CLUAP1: variants seen among roughly 807,000 people sequenced by gnomAD.
CLUAP1 encodes clusterin-associated protein 1.
CLUAP1 carries 50 observed loss-of-function variants against 55.0 expected under a neutral mutation model. The ratio of observed to expected loss-of-function variants is 0.91; its 90% CI spans 0.72 to 1.15. The LOEUF is 1.15. CLUAP1 is among the 50% of genes most tolerant of loss of function. The probability of loss-of-function intolerance (pLI) is 0.00; values close to 1 mark genes in which losing one functional copy is unlikely to be tolerated. For missense variants in CLUAP1, 530 were observed against 507.6 expected (o/e 1.04, Z -0.42); for synonymous variants, 195 against 175.4 (o/e 1.11, Z -0.88).
upstream of CLUAP1, among the ~76,000 whole-genome samples, chr16:3,495,997 C>G (rs370563952): frequency 6.6e-6 from 1 of 151,978 alleles, no homozygotes; most frequent in Non-Finnish European, 1.5e-5. Flanking sequence ...AAAAATTAGC[C>G]GGGCGTCGTG....
At chr16:3,498,502 G>A (rs956761349), upstream of CLUAP1, among the ~76,000 whole-genome samples, 1 of 152,056 alleles carries the variant, frequency 6.6e-6, no homozygotes. Context: ...TCTTGGAAAA[G>A]CAAATCTTCA....
intron 1 of CLUAP1, among the ~76,000 whole-genome samples, chr16:3,503,895 T>C (rs1018666968): frequency 2.0e-5 from 3 of 152,198 alleles, no homozygotes; most frequent in African/African-American, 7.2e-5. Context: ...CCTAGGTAGG[T>C]TATTTGTGAA....
chr16:3,508,653 A>G (rs2037556848), intron 4 of CLUAP1, among the ~76,000 whole-genome samples, 185 bp downstream of exon 4: 1 of 152,230 alleles, frequency 6.6e-6, no homozygotes, highest in Non-Finnish European at 1.5e-5. Context: ...CTATTTATTA[A>G]AAGCTTAGTA....
intron 9 of CLUAP1, among the ~76,000 whole-genome samples, chr16:3,529,598 T>TATATTATATATTATATA (rs2038037916): frequency 7.5e-5 from 3 of 39,910 alleles, no homozygotes; most frequent in Non-Finnish European, 1.1e-4. Flanking sequence ...TATATTATTA[T>TATATTATATATTATATA]ATATTATATA....
At chr16:3,520,278 G>A (rs933994425) in intron 7 of CLUAP1, among the ~76,000 whole-genome samples, 2 of 151,954 alleles carry the variant, frequency 1.3e-5, no homozygotes, top group African/African-American at 4.8e-5. Flanking sequence ...AGGCTGAGGC[G>A]GGAGGATTGC....
chr16:3,501,860 TGA>T (rs1004008162), intron 1 of CLUAP1, among the ~76,000 whole-genome samples: 7 of 152,118 alleles, frequency 4.6e-5, no homozygotes, highest in African/African-American at 1.7e-4. Context: ...TAACATTTTT[TGA>T]GTTTTAACGA....
chr16:3,510,585 CA>C (rs2037605417), intron 4 of CLUAP1, among the ~76,000 whole-genome samples: 1 of 152,200 alleles, frequency 6.6e-6, no homozygotes, highest in Non-Finnish European at 1.5e-5. Flanking sequence ...AGCCGTGCGG[CA>C]GAGCTTGCAG....
chr16:3,533,940 A>C (rs2038180440), intron 11 of CLUAP1: 1 of 152,174 alleles, frequency 6.6e-6, no homozygotes, highest in African/African-American at 2.4e-5. Flanking sequence ...CTCTCCTCAG[A>C]GCGAATGCAT....
rs1176411771 is a variant in CLUAP1, at chr16:3,537,064, T to C, written c.*793T>C. ...CAGAAACTCCAGACTCCCATGGCAA[T>C]GACAGCCGGGACACTTTTCTTCCCT... On this transcript the variant is annotated 3_prime_UTR_variant, in exon 12 of 12. Transcript: ENST00000576634. 6.6e-6 allele frequency: 1 copy of C among 152,222 alleles called. No homozygotes were observed. The highest frequency in any genetic ancestry group is 1.9e-4 in the East Asian group (1 of 5,186). 9.4% of individuals were successfully genotyped at this position (152,222 alleles called of 1,614,324 possible). A position where few individuals can be genotyped will look rare whatever the true frequency, so the allele number is the denominator to read the frequency against.
chr16:3,498,719 G>A (rs2037337651), upstream of CLUAP1, among the ~76,000 whole-genome samples: 1 of 152,096 alleles, frequency 6.6e-6, no homozygotes, highest in African/African-American at 2.4e-5. Context: ...AATTAGCCGG[G>A]TGTGGTGGTG....
At chr16:3,535,944 A>G (rs182443709) in intron 11 of CLUAP1, 178 bp from the exon 12 acceptor site, 9 of 647,520 alleles carry the variant, frequency 1.4e-5, no homozygotes, top group Non-Finnish European at 2.3e-5. Flanking sequence ...GATAAATTCC[A>G]GCTGGCAGTA....
intron 4 of CLUAP1, among the ~76,000 whole-genome samples, chr16:3,511,959 G>A (rs139431483): frequency 0.017 from 2,614 of 152,176 alleles, 85 homozygotes; most frequent in African/African-American, 0.056. Context: ...GGCCGAGGTG[G>A]GTGGATCACC....
At chr16:3,497,808 A>T (rs920104337), upstream of CLUAP1, among the ~76,000 whole-genome samples, 2 of 151,900 alleles carry the variant, frequency 1.3e-5, no homozygotes, top group African/African-American at 4.8e-5. Context: ...ATTTATTTTC[A>T]TTTTTTAATT....
At chr16:3,519,857 G>T in intron 6 of CLUAP1, 46 bp from the exon 7 acceptor site, 1 of 1,540,392 alleles carries the variant, frequency 6.5e-7, no homozygotes, top group South Asian at 1.3e-5. Flanking sequence ...AATTAGGATG[G>T]CTGTTTTTAT....
At chr16:3,530,748 G>A in intron 10 of CLUAP1, 73 bp downstream of exon 10, 4 of 1,221,860 alleles carry the variant, frequency 3.3e-6, no homozygotes, top group Non-Finnish European at 3.6e-6. Context: ...GACTGGGGCA[G>A]GCTGCTTAGT....
chr16:3,517,088 C>G (rs996019913), intron 6 of CLUAP1, among the ~76,000 whole-genome samples: 2 of 151,680 alleles, frequency 1.3e-5, no homozygotes, highest in Non-Finnish European at 2.9e-5. Flanking sequence ...AGGTCATTCA[C>G]ACAGATTCGA....
chr16:3,536,278 TG>T lies in CLUAP1; in HGVS notation c.*8del. The T allele has an allele frequency of 6.2e-7, 1 of 1,613,582 alleles. No homozygotes were observed. The highest frequency in any genetic ancestry group is 8.5e-7 in the Non-Finnish European group (1 of 1,179,696). ...GAGTGACAATGACTTCTGACCCTTT[TG>T]CCAAGGGACCCTGGCAGATTAAAAC... is the stretch of plus-strand genomic sequence containing the variant. On this transcript the variant is annotated 3_prime_UTR_variant, in exon 12 of 12. Coordinates refer to ENST00000576634, the MANE Select transcript of CLUAP1 (RefSeq NM_015041.3).
At chr16:3,505,513 G>T (rs1394462105) in intron 2 of CLUAP1, among the ~76,000 whole-genome samples, 1 of 136,850 alleles carries the variant, frequency 7.3e-6, no homozygotes, top group Admixed American at 7.7e-5. Context: ...CGCCACTGCA[G>T]TTCAGCCTGG....
At chr16:3,533,206 CG>C in intron 11 of CLUAP1, 1 of 1,451,130 alleles carries the variant, frequency 6.9e-7, no homozygotes, top group Non-Finnish European at 9.3e-7. Flanking sequence ...TCAGCCCTCC[CG>C]GGGCCAGCCA....
Sources: allele counts gnomAD v4.1 joint callset (sites outside exome capture counted in the v4.1 genomes callset), GRCh38; gene constraint gnomAD v4.1.1; transcripts MANE v1.5; gene names NCBI Gene and HGNC (gene_info 2026-07-23, HGNC 2026-07-21).